Variants in MYLK2 observed in about 807,000 individuals in gnomAD.
MYLK2 encodes the protein myosin light chain kinase 2.
Under a neutral mutation model 58.2 loss-of-function variants are expected in MYLK2, and 27 were observed. The ratio of observed to expected loss-of-function variants is 0.46; its 90% CI spans 0.34 to 0.64. The LOEUF is 0.64. Ranked by LOEUF, MYLK2 falls within the 30% of genes least tolerant of loss-of-function variation. The probability of loss-of-function intolerance (pLI) is 0.01; values close to 1 mark genes in which losing one functional copy is unlikely to be tolerated. For synonymous variants in MYLK2, 310 were observed against 296.7 expected (o/e 1.04, Z -0.46); for missense variants, 676 against 764.3 (o/e 0.88, Z 1.36).
intron 8 of MYLK2, among the ~76,000 whole-genome samples, chr20:31,830,380 G>A (rs928201152): frequency 1.6e-4 from 25 of 152,164 alleles, no homozygotes; most frequent in African/African-American, 5.3e-4. Flanking sequence ...GTTCCCAAGA[G>A]GCTTCCTGTC....
intron 11 of MYLK2, 42 bp downstream of exon 11, chr20:31,831,897 T>A (rs201591810): frequency 5.1e-5 from 82 of 1,613,886 alleles, no homozygotes; most frequent in Non-Finnish European, 3.7e-5. Flanking sequence ...TGTGCAAGCT[T>A]AGTGTGTCTG....
Position 31,831,038 on chromosome 20 carries a change from G to A in MYLK2, c.1321G>A (p.Val441Met). ...GTATAACCCCAACGAGAAGCTGAAG[G>A]TGAACTTTGGGACCCCAGAGTTCCT... Reference protein sequence around the residue: ...RRYNPNEKLKVNFGTPEFLSP... With the variant: ...RRYNPNEKLKMNFGTPEFLSP... Residue 441 changes from valine (V) to methionine (M), a missense_variant, in exon 10 of 13, where the codon GTG becomes ATG. Val to Met is a conservative substitution (Grantham distance 21). Transcript: ENST00000375985. 3 of 1,614,134 alleles carry A rather than the reference G, an allele frequency of 1.9e-6. No homozygotes were observed. The highest frequency in any genetic ancestry group is 2.5e-6 in the Non-Finnish European group (3 of 1,180,004).
At chr20:31,819,675 G>T (rs983379812) in intron 2 of MYLK2, 43 bp downstream of exon 2, 9 of 1,550,214 alleles carry the variant, frequency 5.8e-6, no homozygotes, top group Non-Finnish European at 7.9e-6. Context: ...GCTTGGGAAG[G>T]GGGGTTTTGA....
intron 8 of MYLK2, among the ~76,000 whole-genome samples, chr20:31,828,824 G>A (rs142791178): frequency 1.5e-3 from 221 of 152,322 alleles, no homozygotes; most frequent in African/African-American, 4.9e-3. Flanking sequence ...CACAAACAGG[G>A]TGAGGAGGTG....
intron 8 of MYLK2, chr20:31,827,359 C>T: frequency 1.0e-6 from 1 of 985,116 alleles, no homozygotes; most frequent in South Asian, 4.7e-5. Flanking sequence ...TCTTGAGGGC[C>T]TACTTTATGC....
At position 31,820,125 on chromosome 20, in the gene MYLK2, G is replaced by T; in HGVS notation, c.53-1G>T. 1.2e-6 allele frequency: 2 copies of T among 1,613,712 alleles called. No homozygotes were observed. Among genetic ancestry groups the T allele is most frequent in the Non-Finnish European group, 1.7e-6 (2 of 1,179,998 alleles). On this transcript the variant is annotated splice_acceptor_variant, in intron 2 of 12. Coordinates refer to ENST00000375985, the MANE Select transcript of MYLK2 (RefSeq NM_033118.4). LOFTEE classifies it high-confidence loss of function. Reference sequence around the variant, plus strand: ...TGATGGGTGTCTCACCTCCTCTGCAGACAAGGCACCTAAAGGTCCCACAGG... The same window carrying T: ...TGATGGGTGTCTCACCTCCTCTGCATACAAGGCACCTAAAGGTCCCACAGG...
In MYLK2 at chr20:31,820,426, C is replaced by T. The variant is rs727503304; in HGVS notation, c.353C>T (p.Ser118Leu). The T allele has an allele frequency of 5.0e-6, 8 of 1,612,732 alleles. No individual in the cohort carries two copies. In the East Asian group the frequency reaches 8.9e-5, roughly 18 times the overall value. ...VKKPKAEQGA[S>L]GSQDPGKPRV... Reference sequence around the variant, plus strand: ...AAGCCCAAGGCTGAGCAGGGAGCCTCAGGCAGCCAGGATCCTGGAAAGCCC... The same window carrying T: ...AAGCCCAAGGCTGAGCAGGGAGCCTTAGGCAGCCAGGATCCTGGAAAGCCC... Residue 118 changes from serine to leucine, a missense_variant, in exon 3 of 13, where the codon TCA (serine) becomes TTA (leucine). Ser to Leu is a moderately radical substitution (Grantham distance 145, BLOSUM62 -2). This residue lies in a region of MYLK2 where 306 missense variants were observed against 296.5 expected (regional missense o/e 1.03). Transcript: ENST00000375985.
intron 3 of MYLK2, 46 bp downstream of exon 3, chr20:31,820,592 C>T (rs765567074): frequency 3.8e-6 from 6 of 1,591,704 alleles, no homozygotes; most frequent in African/African-American, 1.3e-5. Context: ...GTGGTTCTGT[C>T]CCTAGGGGTC....
Position 31,820,365 on chromosome 20 carries a change from C to T in MYLK2, c.292C>T (p.Pro98Ser). The T allele has an allele frequency of 1.2e-6, 2 of 1,612,678 alleles. No individual in the cohort carries two copies. The highest frequency in any genetic ancestry group is 1.3e-5 in the African/African-American group (1 of 75,048). Residue 98 changes from proline to serine, a missense_variant, in exon 3 of 13, where the codon CCC becomes TCC. Pro to Ser is a moderately conservative substitution (Grantham distance 74, BLOSUM62 -1). Coordinates refer to ENST00000375985, the MANE Select transcript of MYLK2 (RefSeq NM_033118.4). ...CAGTGCTGGGCCCCCGGCAGCCCTG[C>T]CCCAGCAGACTGCGACACCTGAGAC... ...EGSAGPPAAL[P>S]QQTATPETSV...
intron 4 of MYLK2, among the ~76,000 whole-genome samples, chr20:31,822,805 C>T (rs1045497215): frequency 1.1e-4 from 17 of 152,194 alleles, no homozygotes; most frequent in Admixed American, 2.6e-4. Context: ...ACCTCCGCCC[C>T]GCCCCGAAAT....
chr20:31,825,287 C>T (rs910972402), intron 6 of MYLK2, among the ~76,000 whole-genome samples: 15 of 152,170 alleles, frequency 9.9e-5, no homozygotes, highest in Admixed American at 5.9e-4. Context: ...GGCCTGGGTC[C>T]GTGTTATTGT....
intron 6 of MYLK2, among the ~76,000 whole-genome samples, chr20:31,824,829 C>T (rs764930596): frequency 1.3e-5 from 2 of 152,190 alleles, no homozygotes; most frequent in Non-Finnish European, 2.9e-5. Flanking sequence ...AGGATGCAGG[C>T]AGGTAGAGTG....
intron 8 of MYLK2, chr20:31,828,773 G>A (rs1488773476): frequency 1.0e-6 from 1 of 965,624 alleles, no homozygotes; most frequent in African/African-American, 1.8e-5. Context: ...ACAGTCCCCT[G>A]GGTTAGGTGT....
intron 1 of MYLK2, 46 bp from the exon 2 acceptor site, chr20:31,819,487 G>C: frequency 1.3e-6 from 2 of 1,507,846 alleles, no homozygotes; most frequent in Non-Finnish European, 1.8e-6. Context: ...AGCCAGACGA[G>C]AGGGGAAATT....
In MYLK2 at chr20:31,820,390, C is replaced by A; in HGVS notation, c.317C>A (p.Thr106Asn). Residue 106 changes from threonine (T) to asparagine (N), a missense_variant, in exon 3 of 13, where the codon ACC (threonine) becomes AAC (asparagine). This residue lies in a region of MYLK2 where 306 missense variants were observed against 296.5 expected (regional missense o/e 1.03). Coordinates refer to ENST00000375985, the MANE Select transcript of MYLK2 (RefSeq NM_033118.4). ...ALPQQTATPE[T>N]SVKKPKAEQG... ...CCCCAGCAGACTGCGACACCTGAGA[C>A]CAGCGTCAAGAAGCCCAAGGCTGAG... The A allele has an allele frequency of 1.2e-6, 2 of 1,612,778 alleles. No homozygotes were observed. Among genetic ancestry groups the A allele is most frequent in the African/African-American group, 1.3e-5 (1 of 75,056 alleles).
At chr20:31,830,987 C>G (rs770910543) in intron 9 of MYLK2, 26 bp from the exon 10 acceptor site, 3 of 1,614,176 alleles carry the variant, frequency 1.9e-6, no homozygotes, top group Non-Finnish European at 2.5e-6. Flanking sequence ...AGGAGCTGTG[C>G]TCTCAGCCCT....
rs11907651 is a variant in MYLK2 at position 31,826,531 on chromosome 20, G to A, written c.973-74G>A. On this transcript the variant is annotated intron_variant, in intron 6 of 12. Transcript: ENST00000375985. The stretch of plus-strand genomic sequence containing the variant: ...GGGCAAGGCTAGCAGGCCTGTTCAA[G>A]GGTGCGGGTATGGAGGGTGGGTGGC... 116,585 of 1,596,636 alleles carry A rather than the reference G, an allele frequency of 0.073. 4,744 individuals are homozygous for A. The highest frequency in any genetic ancestry group is 0.14 in the African/African-American group (10,254 of 74,624).
chr20:31,826,009 G>T lies in MYLK2; in HGVS notation c.973-596G>T, dbSNP rs145428411. On this transcript the variant is annotated intron_variant, in intron 6 of 12. Transcript: ENST00000375985. The stretch of plus-strand genomic sequence containing the variant: ...GATGCTGAAGAGTTGGGTCGGAGGT[G>T]GGGTGTGAGGGCGCGAGAGTAAGGG... Among the ~76,000 whole-genome samples, 12 of 152,280 alleles carry T rather than the reference G, an allele frequency of 7.9e-5. No individual in the cohort carries two copies. The East Asian group carries it at 2.3e-3, about 29-fold the overall frequency.
At chr20:31,827,488 T>A (rs573617950) in intron 8 of MYLK2, 1 of 985,450 alleles carries the variant, frequency 1.0e-6, no homozygotes, top group South Asian at 4.7e-5. Flanking sequence ...AGGTAGGCGC[T>A]AACAACAATG....
Sources: gnomAD v4.1 joint callset for allele counts (sites outside exome capture counted in the v4.1 genomes callset) on GRCh38, gnomAD v4.1.1 for gene constraint, gnomAD v4.1.1 regional missense constraint, MANE v1.5 for transcripts, NCBI Gene and HGNC (gene_info 2026-07-23, HGNC 2026-07-21) for gene names.